ADAMTSL1: variants seen among roughly 807,000 people sequenced by gnomAD.
The protein encoded by ADAMTSL1 is ADAMTS like 1.
A neutral mutation model predicts 201.8 loss-of-function variants in ADAMTSL1; 126 were observed. The ratio of observed to expected loss-of-function variants is 0.62; its 90% CI spans 0.54 to 0.72. ADAMTSL1 has a LOEUF of 0.72. ADAMTSL1 is among the 30% of genes least tolerant of loss of function. The probability of loss-of-function intolerance (pLI) is 0.00; values close to 1 mark genes in which losing one functional copy is unlikely to be tolerated. For synonymous variants in ADAMTSL1, 1,121 were observed against 903.4 expected (o/e 1.24, Z -4.32); for missense variants, 2,679 against 2,277.8 (o/e 1.18, Z -3.59).
intron 5 of ADAMTSL1, among the ~76,000 whole-genome samples, chr9:18,635,198 G>A (rs1827036936): frequency 6.6e-6 from 1 of 151,994 alleles, no homozygotes; most frequent in Non-Finnish European, 1.5e-5. Context: ...TACAAATGGA[G>A]TTCTGAATAA....
At position 18,706,941 on chromosome 9, in the gene ADAMTSL1, T is replaced by C. The variant is rs1325904596; in HGVS notation, c.1769T>C (p.Phe590Ser). 2 of 1,613,816 alleles carry C rather than the reference T, an allele frequency of 1.2e-6. No homozygotes were observed. The highest frequency in any genetic ancestry group is 2.2e-5 in the East Asian group (1 of 44,884). ...AGPCSGEIPE[F>S]NPDETDGLFG... ...CCATGCAGCGGGGAAATTCCTGAGT[T>C]CAACCCAGACGAGACAGATGGGCTC... is the stretch of plus-strand genomic sequence containing the variant. Residue 590 changes from phenylalanine to serine, a missense_variant, in exon 14 of 29, where the codon TTC becomes TCC. Coordinates refer to ENST00000380548, the MANE Select transcript of ADAMTSL1 (RefSeq NM_001040272.6).
At chr9:18,267,039 T>A (rs1424307381) in intron 2 of ADAMTSL1, among the ~76,000 whole-genome samples, 1 of 152,122 alleles carries the variant, frequency 6.6e-6, no homozygotes, top group African/African-American at 2.4e-5. Context: ...TTCCACAACA[T>A]CTTGCCACTA....
At chr9:18,514,675 G>A (rs145428200) in intron 2 of ADAMTSL1, among the ~76,000 whole-genome samples, 18 of 152,184 alleles carry the variant, frequency 1.2e-4, no homozygotes, top group African/African-American at 4.3e-4. Flanking sequence ...TACTCAATTT[G>A]TTTATTAGTC....
At chr9:18,857,881 G>A (rs760313951) in intron 23 of ADAMTSL1, among the ~76,000 whole-genome samples, 14 of 152,030 alleles carry the variant, frequency 9.2e-5, no homozygotes, top group South Asian at 2.1e-4. Context: ...CTTTTGACAC[G>A]TTCATATCAT....
intron 1 of ADAMTSL1, among the ~76,000 whole-genome samples, chr9:18,142,924 G>T (rs963963047): frequency 2.0e-5 from 3 of 152,144 alleles, no homozygotes; most frequent in Admixed American, 6.5e-5. Flanking sequence ...ACACCGGGGG[G>T]TAATGCTTAC....
At chr9:18,533,181 A>C in intron 2 of ADAMTSL1, 66 bp from the exon 3 acceptor site, 26 of 1,430,976 alleles carry the variant, frequency 1.8e-5, no homozygotes, top group Non-Finnish European at 2.3e-5. Flanking sequence ...AATTTTTATA[A>C]GAAAATATTT....
At chr9:17,939,189 A>ATT (rs1827131462) in intron 1 of ADAMTSL1, among the ~76,000 whole-genome samples, 1 of 151,770 alleles carries the variant, frequency 6.6e-6, no homozygotes, top group Admixed American at 6.6e-5. Flanking sequence ...TCTCCAAACC[A>ATT]TTTTTATCTT....
At chr9:18,897,996 T>A (rs1373489212) in intron 26 of ADAMTSL1, among the ~76,000 whole-genome samples, 3 of 146,340 alleles carry the variant, frequency 2.1e-5, no homozygotes, top group African/African-American at 7.6e-5. Context: ...GCCAATATGG[T>A]AAAACCCCAT....
chr9:18,280,745 T>C (rs887053121), intron 2 of ADAMTSL1, among the ~76,000 whole-genome samples: 1 of 152,230 alleles, frequency 6.6e-6, no homozygotes, highest in African/African-American at 2.4e-5. Flanking sequence ...CTTTTAACCT[T>C]GTACCCTATG....
At chr9:18,499,326 A>G (rs893583459) in intron 1 of ADAMTSL1, among the ~76,000 whole-genome samples, 1 of 152,264 alleles carries the variant, frequency 6.6e-6, no homozygotes, top group Non-Finnish European at 1.5e-5. Context: ...GAGCCCAGTT[A>G]CTGCTTAATG....
At chr9:18,775,703 C>T (rs781446647) in intron 17 of ADAMTSL1, 40 bp from the exon 18 acceptor site, 5 of 1,601,006 alleles carry the variant, frequency 3.1e-6, no homozygotes, top group Non-Finnish European at 4.3e-6. Context: ...GCTTCTAGTT[C>T]CCAGAATTTA....
At chr9:18,311,091 A>G (rs1319391126) in intron 2 of ADAMTSL1, among the ~76,000 whole-genome samples, 2 of 152,152 alleles carry the variant, frequency 1.3e-5, no homozygotes, top group Non-Finnish European at 2.9e-5. Context: ...ATTCTCAGCA[A>G]AGTAACACAG....
intron 2 of ADAMTSL1, among the ~76,000 whole-genome samples, chr9:18,193,397 C>G (rs575758690): frequency 7.9e-5 from 12 of 152,170 alleles, no homozygotes; most frequent in Middle Eastern, 3.4e-3. Flanking sequence ...GAATCGGGAA[C>G]AGTTACAGTA....
intron 2 of ADAMTSL1, among the ~76,000 whole-genome samples, chr9:18,320,807 A>G (rs1414937601): frequency 6.6e-6 from 1 of 152,186 alleles, no homozygotes; most frequent in Non-Finnish European, 1.5e-5. Flanking sequence ...AAGGGTGTGT[A>G]TGTGTGTAGT....
chr9:18,412,606 C>T (rs909369156), intron 2 of ADAMTSL1, among the ~76,000 whole-genome samples: 4 of 152,164 alleles, frequency 2.6e-5, no homozygotes, highest in Non-Finnish European at 5.9e-5. Flanking sequence ...CAGTGATGAT[C>T]TATGAGGTGG....
intron 2 of ADAMTSL1, among the ~76,000 whole-genome samples, chr9:18,381,966 T>A (rs1039578512): frequency 2.0e-5 from 3 of 152,214 alleles, no homozygotes; most frequent in African/African-American, 7.2e-5. Context: ...AAATACTGTT[T>A]CTAGACAGGT....
chr9:18,793,419 TAGTG>T (rs1487378409), intron 19 of ADAMTSL1, among the ~76,000 whole-genome samples: 1 of 152,016 alleles, frequency 6.6e-6, no homozygotes, highest in Non-Finnish European at 1.5e-5. Flanking sequence ...GCAAGGGAAA[TAGTG>T]AGGAAAGAAT....
At chr9:18,292,421 G>A (rs1378810668) in intron 2 of ADAMTSL1, among the ~76,000 whole-genome samples, 1 of 152,188 alleles carries the variant, frequency 6.6e-6, no homozygotes, top group East Asian at 1.9e-4. Context: ...GGCCTGTGAT[G>A]ATTAATATTG....
intron 2 of ADAMTSL1, among the ~76,000 whole-genome samples, chr9:18,199,585 A>T (rs569323699): frequency 6.6e-6 from 1 of 152,166 alleles, no homozygotes; most frequent in Non-Finnish European, 1.5e-5. Context: ...GAAGCTTTCA[A>T]TAGCTCTTAA....
Sources: gnomAD v4.1 joint callset for allele counts (sites outside exome capture counted in the v4.1 genomes callset) on GRCh38, gnomAD v4.1.1 for gene constraint, MANE v1.5 for transcripts, NCBI Gene and HGNC (gene_info 2026-07-23, HGNC 2026-07-21) for gene names.